RBFOX1: variants seen among roughly 807,000 people sequenced by gnomAD.
The protein encoded by RBFOX1 is RNA binding fox-1 homolog 1.
In RBFOX1, 8 loss-of-function variants were observed where a neutral mutation model predicts 57.7. That is an observed-to-expected ratio of 0.14 (90% CI 0.08 to 0.25). RBFOX1 has a LOEUF of 0.25. RBFOX1 is among the 10% of genes least tolerant of loss of function. RBFOX1 has a pLI of 1.00. For missense variants in RBFOX1, 611 were observed against 548.5 expected (o/e 1.11, Z -1.14); for synonymous variants, 326 against 222.4 (o/e 1.47, Z -4.15).
intron 3 of RBFOX1, among the ~76,000 whole-genome samples, chr16:5,619,554 C>T (rs1248342477): frequency 6.6e-6 from 1 of 152,176 alleles, no homozygotes; most frequent in East Asian, 1.9e-4. Context: ...GATTGAAAAT[C>T]TCGCCAGACT....
At chr16:6,418,519 A>ATTTTTTTTTT (rs567448072) in intron 2 of RBFOX1, among the ~76,000 whole-genome samples, 1 of 100,958 alleles carries the variant, frequency 9.9e-6, no homozygotes, top group Non-Finnish European at 2.0e-5. Context: ...TGCAAGCCTT[A>ATTTTTTTTTT]TTTTTTTTTT....
chr16:7,494,733 C>T (rs775298606), intron 4 of RBFOX1, among the ~76,000 whole-genome samples: 32 of 151,972 alleles, frequency 2.1e-4, no homozygotes, highest in Non-Finnish European at 4.1e-4. Flanking sequence ...GAACAACAGG[C>T]CTTCTGAGTC....
chr16:6,020,538 C>A (rs1249849193), intron 1 of RBFOX1, among the ~76,000 whole-genome samples: 1 of 152,108 alleles, frequency 6.6e-6, no homozygotes, highest in Non-Finnish European at 1.5e-5. Context: ...GAATCGATGC[C>A]CCGCGGTGCC....
At chr16:6,696,257 A>T (rs559710832) in intron 3 of RBFOX1, among the ~76,000 whole-genome samples, 2 of 152,230 alleles carry the variant, frequency 1.3e-5, no homozygotes, top group Non-Finnish European at 2.9e-5. Flanking sequence ...TTACAGGCAC[A>T]TAATTGTCAT....
intron 1 of RBFOX1, among the ~76,000 whole-genome samples, chr16:5,269,862 A>T (rs1241424695): frequency 6.6e-6 from 1 of 152,214 alleles, no homozygotes; most frequent in Non-Finnish European, 1.5e-5. Flanking sequence ...TGGCTTTAAA[A>T]ATAGATTCCA....
chr16:7,368,179 A>C (rs1161150369), intron 4 of RBFOX1, among the ~76,000 whole-genome samples: 1 of 151,518 alleles, frequency 6.6e-6, no homozygotes, highest in Admixed American at 6.6e-5. Flanking sequence ...AGGCAGGAGG[A>C]TCGCTTGAAC....
intron 3 of RBFOX1, among the ~76,000 whole-genome samples, chr16:5,738,383 A>G (rs532935274): frequency 1.3e-5 from 2 of 151,736 alleles, no homozygotes; most frequent in South Asian, 2.1e-4. Flanking sequence ...TGTAATCCCA[A>G]CAGTTTGGGA....
intron 3 of RBFOX1, among the ~76,000 whole-genome samples, chr16:6,666,208 C>G (rs533868965): frequency 2.6e-5 from 4 of 152,244 alleles, no homozygotes; most frequent in African/African-American, 9.6e-5. Context: ...GTATCAGCAG[C>G]GTGAAAACAG....
intron 3 of RBFOX1, among the ~76,000 whole-genome samples, chr16:6,667,756 G>A (rs8054347): frequency 0.51 from 76,834 of 151,792 alleles, 19,600 homozygotes; most frequent in East Asian, 0.57. Context: ...AGGCATGATG[G>A]TGCGTGCCTG....
intron 4 of RBFOX1, among the ~76,000 whole-genome samples, chr16:7,133,577 A>G (rs1169350154): frequency 6.6e-6 from 1 of 152,216 alleles, no homozygotes; most frequent in Non-Finnish European, 1.5e-5. Context: ...AAGCTGAAAG[A>G]TACACACATG....
chr16:6,864,494 A>G (rs905640372), intron 3 of RBFOX1, among the ~76,000 whole-genome samples: 5 of 152,006 alleles, frequency 3.3e-5, no homozygotes, highest in African/African-American at 1.2e-4. Flanking sequence ...AAATTAACAC[A>G]TAAAAACGTT....
At chr16:7,153,494 T>G (rs888941519) in intron 4 of RBFOX1, among the ~76,000 whole-genome samples, 4 of 151,792 alleles carry the variant, frequency 2.6e-5, no homozygotes, top group Admixed American at 2.6e-4. Flanking sequence ...CCCAGCACTT[T>G]GGGAGGCTGC....
At chr16:5,999,809 A>T (rs994685195) in intron 4 of RBFOX1, among the ~76,000 whole-genome samples, 1 of 127,914 alleles carries the variant, frequency 7.8e-6, no homozygotes, top group African/African-American at 2.9e-5. Context: ...TGTGGTGAGC[A>T]GAGATCGCAG....
At chr16:5,682,474 T>G (rs1000927678) in intron 3 of RBFOX1, among the ~76,000 whole-genome samples, 1 of 152,226 alleles carries the variant, frequency 6.6e-6, no homozygotes, top group Non-Finnish European at 1.5e-5. Context: ...TCGGTCCGTC[T>G]AGGTTTCTAA....
At position 7,117,021 on chromosome 16, in the gene RBFOX1, G is replaced by A. The variant is rs548996073; in HGVS notation, c.27+64923G>A. On this transcript the variant is annotated intron_variant, in intron 4 of 15. Transcript: ENST00000550418. ...AGATACGTAGGCCAAGAAAGAGTTAGGGAAGTGAAGACAAGAGGGGACAGT... is the reference window on the plus strand; with the variant it reads ...AGATACGTAGGCCAAGAAAGAGTTAAGGAAGTGAAGACAAGAGGGGACAGT... Among the ~76,000 whole-genome samples the A allele has an allele frequency of 3.9e-5, 6 of 152,228 alleles. No homozygotes were observed. In the South Asian group the frequency reaches 1.2e-3, roughly 32 times the overall value.
chr16:7,614,089 G>A (rs1462046182), intron 10 of RBFOX1: 1 of 152,318 alleles, frequency 6.6e-6, no homozygotes, highest in Non-Finnish European at 1.5e-5. Context: ...CCCACCAGGA[G>A]GACTAGACTC....
At chr16:6,211,880 C>T (rs13338073) in intron 1 of RBFOX1, among the ~76,000 whole-genome samples, 16,497 of 151,350 alleles carry the variant, frequency 0.11, 2,881 homozygotes, top group African/African-American at 0.37. Flanking sequence ...AACAGAGTCT[C>T]GCTCTGTCAC....
intron 2 of RBFOX1, among the ~76,000 whole-genome samples, chr16:6,579,071 T>A (rs771763499): frequency 2.0e-5 from 3 of 152,124 alleles, no homozygotes; most frequent in Non-Finnish European, 4.4e-5. Context: ...TTTTTGAAAA[T>A]ATTTGCTCAA....
At chr16:7,469,295 C>G (rs994302439) in intron 4 of RBFOX1, among the ~76,000 whole-genome samples, 3 of 152,002 alleles carry the variant, frequency 2.0e-5, no homozygotes, top group Non-Finnish European at 4.4e-5. Context: ...AACCCCTGAC[C>G]TCATGATCTG....
Sources: allele counts gnomAD v4.1 joint callset (sites outside exome capture counted in the v4.1 genomes callset), GRCh38; gene constraint gnomAD v4.1.1; transcripts MANE v1.5; gene names NCBI Gene and HGNC (gene_info 2026-07-23, HGNC 2026-07-21).